Variants in BDNF observed in about 807,000 individuals in gnomAD.
BDNF encodes the protein neurotrophic factor BDNF precursor form.
Under a neutral mutation model 19.5 loss-of-function variants are expected in BDNF, and 1 was observed. That is an observed-to-expected ratio of 0.05 (90% CI 0.02 to 0.24). The LOEUF is 0.24. Among genes scored for constraint, BDNF ranks in the 10% least tolerant of loss-of-function variants. BDNF has a pLI of 1.00. For synonymous variants in BDNF, 100 were observed against 121.6 expected (o/e 0.82, Z 1.17); for missense variants, 195 against 317.6 (o/e 0.61, Z 2.93).
rs1852479865 is a variant in BDNF at position 27,655,790 on chromosome 11, C to T, written c.*2031G>A. On this transcript the variant is annotated 3_prime_UTR_variant, in exon 2 of 2. Transcript: ENST00000356660. ...TAAGGATGCTGGTCCAAGTGGTGATCACTAACATTTTCAGGTGTGAAATGG... is the reference window on the plus strand; with the variant it reads ...TAAGGATGCTGGTCCAAGTGGTGATTACTAACATTTTCAGGTGTGAAATGG... The T allele has an allele frequency of 6.6e-6, 1 of 152,148 alleles. No homozygotes were observed. Among genetic ancestry groups the T allele is most frequent in the Non-Finnish European group, 1.5e-5 (1 of 68,040 alleles). The allele number at this position is 152,148 out of a possible 1,614,324, so 9.4% of individuals were successfully genotyped here. A position where few individuals can be genotyped will look rare whatever the true frequency, so the allele number is the denominator to read the frequency against.
At chr11:27,700,642 CG>C (rs1859826322), upstream of BDNF, 2 of 997,424 alleles carry the variant, frequency 2.0e-6, no homozygotes, top group East Asian at 1.1e-4. Context: ...GAGGGGCGCC[CG>C]GAACTCCCCG....
intron 1 of BDNF, among the ~76,000 whole-genome samples, chr11:27,707,912 C>T (rs1175251783): frequency 6.6e-6 from 1 of 152,040 alleles, no homozygotes; most frequent in Non-Finnish European, 1.5e-5. Context: ...AGTCAGATGT[C>T]GACGCCATGA....
At chr11:27,672,592 ACAG>A (rs1224250687) in intron 1 of BDNF, among the ~76,000 whole-genome samples, 1 of 152,156 alleles carries the variant, frequency 6.6e-6, no homozygotes, top group African/African-American at 2.4e-5. Flanking sequence ...GCAAAATAAT[ACAG>A]CAGCAGCAGC....
intron 1 of BDNF, among the ~76,000 whole-genome samples, chr11:27,664,386 G>C (rs1853972983): frequency 6.6e-6 from 1 of 152,062 alleles, no homozygotes; most frequent in African/African-American, 2.4e-5. Context: ...TACGTAACTA[G>C]AATATAAAGG....
rs1186426672 is a variant in BDNF, at chr11:27,660,237, A to G, written c.-21-1652T>C. 3 of 1,242,820 alleles carry G rather than the reference A, an allele frequency of 2.4e-6. No individual in the cohort carries two copies. In the Admixed American group the frequency reaches 8.9e-5, roughly 37 times the overall value. 77.0% of individuals were successfully genotyped at this position (1,242,820 alleles called of 1,614,324 possible). On this transcript the variant is annotated intron_variant, in intron 1 of 1. Transcript: ENST00000356660. ...AATGTTCTCCACTTTTGTAAGAAAT[A>G]ACATTTTCAACCACTAAGAGACTTT...
rs144225443 is a variant in BDNF at position 27,694,967 on chromosome 11, A to G, written c.-22+5197T>C. On this transcript the variant is annotated intron_variant, in intron 1 of 1. Transcript: ENST00000356660. ...GCTAGCCGTTGATTCCTGGCATGCTATTCTACATTTGGCTACATTACAACG... is the reference window on the plus strand; with the variant it reads ...GCTAGCCGTTGATTCCTGGCATGCTGTTCTACATTTGGCTACATTACAACG... Among the ~76,000 whole-genome samples, 413 of 152,332 alleles carry G rather than the reference A, an allele frequency of 2.7e-3. 3 individuals are homozygous for G. The highest frequency in any genetic ancestry group is 8.9e-3 in the African/African-American group (371 of 41,570).
At chr11:27,721,440 A>T (rs1410577028) in exon 1 of BDNF, 1 of 1,613,740 alleles carries the variant, frequency 6.2e-7, no homozygotes, top group Non-Finnish European at 8.5e-7. Flanking sequence ...CTGGAGACTC[A>T]AGTGTCTTAA....
intron 1 of BDNF, among the ~76,000 whole-genome samples, chr11:27,699,083 C>T (rs1859559338): frequency 6.6e-6 from 1 of 151,862 alleles, no homozygotes; most frequent in Non-Finnish European, 1.5e-5. Flanking sequence ...TTACCACTTC[C>T]CCACCCCCAG....
chr11:27,661,812 C>T (rs1853488665), intron 1 of BDNF, among the ~76,000 whole-genome samples: 1 of 152,184 alleles, frequency 6.6e-6, no homozygotes, highest in Non-Finnish European at 1.5e-5. Context: ...TGCCTCCTGA[C>T]TTGTTCCATT....
rs1055602431 is a variant in BDNF at position 27,720,608 on chromosome 11, A to G, written c.3+804T>C. 4.1e-6 allele frequency: 4 copies of G among 985,492 alleles called. No homozygotes were observed. The South Asian group carries it at 1.4e-4, about 35-fold the overall frequency. 61.0% of individuals were successfully genotyped at this position (985,492 alleles called of 1,614,324 possible). ...AGAAAAGACGCTTTTTAAGGGCGAC[A>G]CAGGGTTGGCTTTACAGCGGGGCCA... On this transcript the variant is annotated intron_variant, in intron 1 of 1. Transcript: ENST00000314915.
intron 1 of BDNF, among the ~76,000 whole-genome samples, chr11:27,669,279 G>C (rs111765633): frequency 0.031 from 4,695 of 152,190 alleles, 173 homozygotes; most frequent in African/African-American, 0.082. Context: ...AGCTATTCAC[G>C]ACAAACCCAC....
intron 1 of BDNF, among the ~76,000 whole-genome samples, chr11:27,680,672 T>C (rs1332873177): frequency 6.6e-6 from 1 of 152,162 alleles, no homozygotes; most frequent in Non-Finnish European, 1.5e-5. Flanking sequence ...AATGTAGAAA[T>C]ATTCTTGCTT....
intron 1 of BDNF, among the ~76,000 whole-genome samples, chr11:27,716,133 A>C (rs1860498111): frequency 6.6e-6 from 1 of 152,204 alleles, no homozygotes; most frequent in South Asian, 2.1e-4. Flanking sequence ...TATCTTTCTC[A>C]AAAGACACTT....
intron 1 of BDNF, among the ~76,000 whole-genome samples, chr11:27,660,976 T>G (rs1048297139): frequency 3.9e-5 from 6 of 152,202 alleles, no homozygotes; most frequent in East Asian, 1.9e-4. Flanking sequence ...TCACTGATCT[T>G]ATCTTTTTAT....
intron 1 of BDNF, chr11:27,696,450 TCACAA>T (rs1173565367): frequency 6.6e-6 from 1 of 152,220 alleles, no homozygotes; most frequent in African/African-American, 2.4e-5. Flanking sequence ...AGAAAATTTA[TCACAA>T]CACAACTTGA....
chr11:27,706,586 T>C (rs1206107947), intron 1 of BDNF, among the ~76,000 whole-genome samples: 1 of 152,214 alleles, frequency 6.6e-6, no homozygotes, highest in Non-Finnish European at 1.5e-5. Flanking sequence ...CAACCTTTCT[T>C]CATAAACTCC....
upstream of BDNF, among the ~76,000 whole-genome samples, chr11:27,704,063 A>T (rs1452236784): frequency 2.6e-5 from 4 of 152,220 alleles, no homozygotes; most frequent in Admixed American, 6.5e-5. Flanking sequence ...GTGGGCAAGG[A>T]TGATGCTGAG....
At chr11:27,679,571 G>A (rs976391643) in intron 1 of BDNF, among the ~76,000 whole-genome samples, 5 of 152,160 alleles carry the variant, frequency 3.3e-5, no homozygotes, top group Admixed American at 2.6e-4. Context: ...TGATTTGCAA[G>A]TATGACATGA....
In BDNF at chr11:27,657,670, G is replaced by A. The variant is rs1289348367; in HGVS notation, c.*151C>T. 2 of 1,444,844 alleles carry A rather than the reference G, an allele frequency of 1.4e-6. No individual in the cohort carries two copies. The allele number at this position is 1,444,844 out of a possible 1,614,324, so 89.5% of individuals were successfully genotyped here. On this transcript the variant is annotated 3_prime_UTR_variant, in exon 2 of 2. Coordinates refer to ENST00000356660, the MANE Select transcript of BDNF (RefSeq NM_001709.5). The surrounding 1 kb of genome is among the most constrained non-coding windows in gnomAD (Gnocchi z 5.0). ...TGGTCATGGACATGTCCAATAAATAGATTGTAGAACCACTGTACTGTATAA... is the reference window on the plus strand; with the variant it reads ...TGGTCATGGACATGTCCAATAAATAAATTGTAGAACCACTGTACTGTATAA...
Sources: gnomAD v4.1 joint callset for allele counts (sites outside exome capture counted in the v4.1 genomes callset) on GRCh38, gnomAD v4.1.1 for gene constraint, Gnocchi (gnomAD v3.1) non-coding constraint, MANE v1.5 for transcripts, NCBI Gene and HGNC (gene_info 2026-07-23, HGNC 2026-07-21) for gene names.